The following SRGAP3 variants were observed in gnomAD, a reference collection of about 807,000 sequenced individuals.
The protein encoded by SRGAP3 is SLIT-ROBO Rho GTPase-activating protein 3.
A neutral mutation model predicts 121.1 loss-of-function variants in SRGAP3; 39 were observed. The ratio of observed to expected loss-of-function variants is 0.32; its 90% confidence interval spans 0.25 to 0.42. The LOEUF is 0.42. Ranked by LOEUF, SRGAP3 falls within the 10% of genes least tolerant of loss-of-function variation. The probability of loss-of-function intolerance (pLI) is 1.00; values close to 1 mark genes in which losing one functional copy is unlikely to be tolerated. For missense variants in SRGAP3, 1,213 were observed against 1,470.6 expected, an observed-to-expected ratio of 0.82 and a Z score of 2.86; for synonymous variants, 601 against 570.0, an observed-to-expected ratio of 1.05 and a Z score of -0.77.
At chr3:9,005,883 C>T (rs1210791548) in intron 18 of SRGAP3, among the ~76,000 whole-genome samples, 1 of 152,000 alleles carries the variant, frequency 6.6e-6, no homozygotes, top group Non-Finnish European at 1.5e-5. Context: ...TGTGAATACA[C>T]AAAAAAATCA....
intron 2 of SRGAP3, among the ~76,000 whole-genome samples, chr3:9,110,352 G>T (rs1948575289): frequency 6.6e-6 from 1 of 152,202 alleles, no homozygotes; most frequent in Non-Finnish European, 1.5e-5. Context: ...AAAAGGCTGT[G>T]GGGCATCCAG....
chr3:9,359,386 C>T (rs1389505977), intron 1 of SRGAP3, among the ~76,000 whole-genome samples: 1 of 152,160 alleles, frequency 6.6e-6, no homozygotes, highest in African/African-American at 2.4e-5. Flanking sequence ...ACCAGGGAGC[C>T]ATATTTTGGG....
chr3:9,332,423 T>G (rs1213804876), intron 1 of SRGAP3, among the ~76,000 whole-genome samples: 1 of 152,160 alleles, frequency 6.6e-6, no homozygotes, highest in Non-Finnish European at 1.5e-5. Context: ...CCCAGCCCAG[T>G]GAGGTTATCT....
chr3:9,312,413 A>T (rs113479806), intron 3 of SRGAP3, among the ~76,000 whole-genome samples: 10,452 of 152,146 alleles, frequency 0.069, 839 homozygotes, highest in African/African-American at 0.19. Flanking sequence ...CGCCTCGGCC[A>T]CCCAAAGTGC....
intron 1 of SRGAP3, among the ~76,000 whole-genome samples, chr3:9,170,130 C>G (rs1950922830): frequency 6.6e-6 from 1 of 152,198 alleles, no homozygotes; most frequent in Non-Finnish European, 1.5e-5. Flanking sequence ...AAGATTTGAT[C>G]ACTGCCGTTT....
intron 3 of SRGAP3, among the ~76,000 whole-genome samples, chr3:9,310,234 T>C (rs374463970): frequency 9.9e-4 from 151 of 152,240 alleles, no homozygotes; most frequent in African/African-American, 2.5e-3. Context: ...TGGGTAAATA[T>C]TGGAGTGGCC....
chr3:9,162,463 C>T (rs1484761122), intron 1 of SRGAP3, among the ~76,000 whole-genome samples: 2 of 152,048 alleles, frequency 1.3e-5, no homozygotes, highest in African/African-American at 4.8e-5. Context: ...GATTTCAATC[C>T]TAATATTTGG....
Position 9,327,262 on chromosome 3 carries a change from G to A in SRGAP3, n.284-1094C>T, listed in dbSNP as rs148675288. ...CTCTGTTGTACTTTTATTCCAATGT[G>A]CAATTTATGGAAAAAACTGAATAAC... On this transcript the variant is annotated intron_variant and non_coding_transcript_variant, in intron 2 of 3. Coordinates refer to the SRGAP3 transcript ENST00000490889. 6.6e-3 allele frequency among the ~76,000 whole-genome samples: 997 copies of A among 151,748 alleles called. 11 individuals are homozygous for A. Among genetic ancestry groups the A allele is most frequent in the Non-Finnish European group, 0.011 (747 of 67,934 alleles).
At chr3:9,228,278 G>A (rs1304542588) in intron 1 of SRGAP3, among the ~76,000 whole-genome samples, 2 of 152,186 alleles carry the variant, frequency 1.3e-5, no homozygotes, top group Non-Finnish European at 2.9e-5. Flanking sequence ...GTTACTGCAT[G>A]AGAACAGGCA....
At chr3:9,329,388 T>C (rs1345210547) in intron 2 of SRGAP3, among the ~76,000 whole-genome samples, 1 of 132,028 alleles carries the variant, frequency 7.6e-6, no homozygotes, top group East Asian at 1.9e-4. Context: ...AGCTGCATCA[T>C]AAAGGAAAAA....
intron 1 of SRGAP3, among the ~76,000 whole-genome samples, chr3:9,146,198 G>A (rs1362103994): frequency 6.6e-6 from 1 of 152,200 alleles, no homozygotes; most frequent in Admixed American, 6.5e-5. Flanking sequence ...GGTATTCCAC[G>A]TGTTGACTGA....
At chr3:9,339,511 G>A (rs947522251) in intron 1 of SRGAP3, among the ~76,000 whole-genome samples, 3 of 152,208 alleles carry the variant, frequency 2.0e-5, no homozygotes, top group African/African-American at 7.2e-5. Context: ...ACATAAACAT[G>A]TGCAGCAGTG....
At chr3:9,232,321 G>A (rs960732493) in intron 1 of SRGAP3, among the ~76,000 whole-genome samples, 2 of 152,080 alleles carry the variant, frequency 1.3e-5, no homozygotes, top group Non-Finnish European at 1.5e-5. Context: ...AGGAATACAT[G>A]CTCATTTTTT....
rs764603970 is a variant in SRGAP3, at chr3:8,990,709, G to A, written c.2689C>T (p.His897Tyr). 4 of 1,612,792 alleles carry A rather than the reference G, an allele frequency of 2.5e-6. No homozygotes were observed. The African/African-American group carries it at 4.0e-5, about 16-fold the overall frequency. ...CTCCCCCGGGTGAGGGGGATTTTGTGGGGGCTGCTGGGGCAGGCAGCAGCC... is the reference window on the plus strand; with the variant it reads ...CTCCCCCGGGTGAGGGGGATTTTGTAGGGGCTGCTGGGGCAGGCAGCAGCC... ...PRAAACPSSP[H>Y]KIPLTRGRIE... The change falls in exon 21 of 22, where the codon CAC becomes TAC. Residue 897 changes from histidine to tyrosine, a missense_variant. Around this residue, in one of 2 missense-constraint regions of SRGAP3, gnomAD observed 420 missense variants for 437.7 expected, o/e 0.96. Transcript: ENST00000383836.
At chr3:9,125,725 C>T (rs1026263890) in intron 1 of SRGAP3, among the ~76,000 whole-genome samples, 7 of 152,208 alleles carry the variant, frequency 4.6e-5, no homozygotes, top group Admixed American at 6.5e-5. Context: ...GGGTTGTCAC[C>T]GCCACTGCCC....
intron 1 of SRGAP3, among the ~76,000 whole-genome samples, chr3:9,340,647 AAACC>A (rs1200194753): frequency 6.6e-6 from 1 of 151,086 alleles, no homozygotes; most frequent in African/African-American, 2.5e-5. Flanking sequence ...TGCTCTGGGA[AAACC>A]AACATCCAGT....
At chr3:9,018,228 A>G (rs1221185637) in intron 14 of SRGAP3, among the ~76,000 whole-genome samples, 1 of 152,180 alleles carries the variant, frequency 6.6e-6, no homozygotes, top group African/African-American at 2.4e-5. Context: ...TATATTATAC[A>G]CTACATTTTC....
chr3:9,044,464 G>A (rs1945163013), intron 10 of SRGAP3, among the ~76,000 whole-genome samples: 1 of 152,216 alleles, frequency 6.6e-6, no homozygotes, highest in African/African-American at 2.4e-5. Context: ...TGCTCAGCGT[G>A]CTCATCATGC....
chr3:9,026,506 T>C (rs1229938789), intron 13 of SRGAP3, among the ~76,000 whole-genome samples: 1 of 152,188 alleles, frequency 6.6e-6, no homozygotes, highest in Non-Finnish European at 1.5e-5. Flanking sequence ...ATCCCAGACA[T>C]CATTATTAGG....
Sources: gnomAD v4.1 joint callset for allele counts (sites outside exome capture counted in the v4.1 genomes callset) on GRCh38, gnomAD v4.1.1 for gene constraint, gnomAD v4.1.1 regional missense constraint, MANE v1.5 for transcripts, NCBI Gene and HGNC (gene_info 2026-07-23, HGNC 2026-07-21) for gene names.